The following KCNIP4 variants were observed in gnomAD, a reference collection of about 807,000 sequenced individuals.
KCNIP4 encodes the protein Kv channel-interacting protein 4.
Under a neutral mutation model 34.0 loss-of-function variants are expected in KCNIP4, and 12 were observed. The ratio of observed to expected loss-of-function variants is 0.35; its 90% confidence interval spans 0.23 to 0.57. The LOEUF (loss-of-function observed/expected upper bound fraction) is 0.57. Ranked by LOEUF, KCNIP4 falls within the 20% of genes least tolerant of loss-of-function variation. KCNIP4 has a pLI of 0.83. For synonymous variants in KCNIP4, 124 were observed against 102.2 expected (o/e 1.21, Z -1.29); for missense variants, 238 against 311.7 (o/e 0.76, Z 1.78).
intron 1 of KCNIP4, among the ~76,000 whole-genome samples, chr4:21,692,071 C>T (rs1483390775): frequency 3.3e-5 from 5 of 152,088 alleles, no homozygotes; most frequent in Non-Finnish European, 7.4e-5. Flanking sequence ...TTTAGCCAAC[C>T]AGTCAACAAG....
At chr4:21,014,785 A>G (rs1483277993) in intron 1 of KCNIP4, among the ~76,000 whole-genome samples, 1 of 152,234 alleles carries the variant, frequency 6.6e-6, no homozygotes. Flanking sequence ...AAGAATTAAA[A>G]GCAAGGATTC....
At chr4:21,037,685 G>A (rs764058573) in intron 1 of KCNIP4, among the ~76,000 whole-genome samples, 4 of 152,228 alleles carry the variant, frequency 2.6e-5, no homozygotes, top group Non-Finnish European at 4.4e-5. Flanking sequence ...TATCACACGC[G>A]GTCTTTGCTA....
At chr4:21,138,770 G>A (rs958289536) in intron 1 of KCNIP4, among the ~76,000 whole-genome samples, 1 of 152,128 alleles carries the variant, frequency 6.6e-6, no homozygotes, top group Non-Finnish European at 1.5e-5. Context: ...GTGGGAGGCT[G>A]AGTGTCAGGG....
At chr4:20,924,553 C>T (rs761942391) in intron 1 of KCNIP4, among the ~76,000 whole-genome samples, 13 of 152,162 alleles carry the variant, frequency 8.5e-5, no homozygotes, top group Admixed American at 3.9e-4. Flanking sequence ...AGCACAAGCC[C>T]GGAACATAGT....
intron 1 of KCNIP4, among the ~76,000 whole-genome samples, chr4:21,140,532 A>G (rs898225247): frequency 6.6e-6 from 1 of 152,080 alleles, no homozygotes; most frequent in Non-Finnish European, 1.5e-5. Context: ...TTAAAACTTT[A>G]TGCTAATAAT....
intron 1 of KCNIP4, among the ~76,000 whole-genome samples, chr4:21,221,804 C>T (rs1181936094): frequency 1.3e-5 from 2 of 152,122 alleles, no homozygotes; most frequent in Admixed American, 6.6e-5. Context: ...GAAAAGGGCT[C>T]AGAGAAATAA....
intron 1 of KCNIP4, among the ~76,000 whole-genome samples, chr4:21,501,478 A>T (rs932636666): frequency 6.6e-6 from 1 of 152,194 alleles, no homozygotes; most frequent in Admixed American, 6.5e-5. Context: ...CATGTTTAAG[A>T]TGTCGCAAAA....
intron 1 of KCNIP4, among the ~76,000 whole-genome samples, chr4:21,175,905 G>A (rs78460093): frequency 0.022 from 3,409 of 152,208 alleles, 143 homozygotes; most frequent in African/African-American, 0.078. Flanking sequence ...TACCTCTACC[G>A]TCTTCCAGTA....
chr4:21,326,294 A>ATG (rs1295894528), intron 1 of KCNIP4, among the ~76,000 whole-genome samples: 1 of 151,248 alleles, frequency 6.6e-6, no homozygotes, highest in East Asian at 1.9e-4. Flanking sequence ...ATATACATAT[A>ATG]TATATATATA....
intron 1 of KCNIP4, among the ~76,000 whole-genome samples, chr4:21,071,422 T>C (rs533254330): frequency 6.6e-6 from 1 of 152,262 alleles, no homozygotes; most frequent in African/African-American, 2.4e-5. Context: ...GAGCGTCTTT[T>C]TGGGTTCTTT....
At chr4:20,743,224 C>T (rs980575312) in intron 5 of KCNIP4, among the ~76,000 whole-genome samples, 10 of 152,116 alleles carry the variant, frequency 6.6e-5, no homozygotes, top group Non-Finnish European at 7.4e-5. Context: ...AGTGCCATCC[C>T]CATCAAGCTA....
rs189724054 is a variant in KCNIP4 at position 21,106,848 on chromosome 4, G to A, written c.62-224139C>T. Among the ~76,000 whole-genome samples the A allele has an allele frequency of 2.3e-4, 35 of 151,482 alleles. 2 individuals carry two copies. Among genetic ancestry groups the A allele is most frequent in the African/African-American group, 7.6e-4 (31 of 40,920 alleles). On this transcript the variant is annotated intron_variant, in intron 1 of 8. Transcript: ENST00000382152. ...ATATCTTTATTTCTGCCTTCATTTC[G>A]TTATGTACCCAGTAGTCATTCAGGA...
chr4:21,176,823 G>A (rs1754449247), intron 1 of KCNIP4, among the ~76,000 whole-genome samples: 1 of 152,154 alleles, frequency 6.6e-6, no homozygotes, highest in Non-Finnish European at 1.5e-5. Context: ...GCCCGGCCTT[G>A]TTCTAGTAAC....
intron 1 of KCNIP4, among the ~76,000 whole-genome samples, chr4:21,205,397 T>G (rs938954317): frequency 6.6e-6 from 1 of 152,184 alleles, no homozygotes; most frequent in Admixed American, 6.5e-5. Flanking sequence ...GTTGGTGAGA[T>G]AAAAGCCAAG....
intron 1 of KCNIP4, among the ~76,000 whole-genome samples, chr4:21,595,691 T>C (rs1201367692): frequency 6.6e-6 from 1 of 152,052 alleles, no homozygotes; most frequent in African/African-American, 2.4e-5. Context: ...CTAATTGGCA[T>C]GATACGGTAT....
chr4:21,005,122 G>A (rs943377622), intron 1 of KCNIP4, among the ~76,000 whole-genome samples: 1 of 152,066 alleles, frequency 6.6e-6, no homozygotes, highest in Non-Finnish European at 1.5e-5. Flanking sequence ...TATATGACAG[G>A]CCAGAGGTTC....
chr4:20,934,501 CCTAT>C (rs1270967236), intron 1 of KCNIP4, among the ~76,000 whole-genome samples: 4 of 152,092 alleles, frequency 2.6e-5, no homozygotes, highest in Non-Finnish European at 4.4e-5. Context: ...CAACTTTTTG[CCTAT>C]CTGTTTTTGG....
At chr4:20,997,504 G>A (rs1193736542) in intron 1 of KCNIP4, among the ~76,000 whole-genome samples, 1 of 152,128 alleles carries the variant, frequency 6.6e-6, no homozygotes, top group African/African-American at 2.4e-5. Flanking sequence ...ATAATTAAAA[G>A]GTATTGTAGG....
At chr4:20,919,483 C>A (rs758517436) in intron 1 of KCNIP4, among the ~76,000 whole-genome samples, 2 of 151,362 alleles carry the variant, frequency 1.3e-5, no homozygotes, top group Non-Finnish European at 2.9e-5. Context: ...GCGGGCAGAT[C>A]CCAAGGTCAG....
Sources: gnomAD v4.1 joint callset for allele counts (sites outside exome capture counted in the v4.1 genomes callset) on GRCh38, gnomAD v4.1.1 for gene constraint, MANE v1.5 for transcripts, NCBI Gene and HGNC (gene_info 2026-07-23, HGNC 2026-07-21) for gene names.